The following SLC19A1 variants were observed in gnomAD, a reference collection of about 807,000 sequenced individuals.
The protein encoded by SLC19A1 is reduced folate transporter.
SLC19A1 carries 37 observed loss-of-function variants against 35.3 expected under a neutral mutation model. The ratio of observed to expected loss-of-function variants is 1.05; its 90% CI spans 0.81 to 1.38. The LOEUF is 1.38. Ranked by LOEUF, SLC19A1 falls within the 40% of genes most tolerant of loss-of-function variation. SLC19A1 has a pLI of 0.00. For missense variants in SLC19A1, 831 were observed against 826.9 expected, an observed-to-expected ratio of 1.00 and a Z score of -0.06; for synonymous variants, 460 against 398.5, an observed-to-expected ratio of 1.15 and a Z score of -1.84.
rs758162731 is a variant in SLC19A1 at position 45,537,843 on chromosome 21, C to A, written c.117G>T (p.Ala39=). Residue 39 remains alanine, a synonymous_variant, in exon 2 of 6, where the codon GCG becomes GCT. Transcript: ENST00000311124. ...TGAAGCTCTCCCCTGGCCGTATCTG[C>A]GCCATGAAGCCGTAGAAGCAAAGGT... ...VCYLCFYGFM[A]QIRPGESFIT... is the part of the protein sequence containing the mutation. 1 of 1,607,752 alleles carries A rather than the reference C, an allele frequency of 6.2e-7. No homozygotes were observed. Among genetic ancestry groups the A allele is most frequent in the Non-Finnish European group, 8.5e-7 (1 of 1,178,440 alleles).
At chr21:45,550,657 C>T (rs936090246) in intron 1 of SLC19A1, among the ~76,000 whole-genome samples, 5 of 152,236 alleles carry the variant, frequency 3.3e-5, no homozygotes, top group African/African-American at 9.6e-5. Flanking sequence ...CCCCGGGCTT[C>T]CGTGGTTTTG....
chr21:45,525,411 CG>C (rs1260699097), intron 5 of SLC19A1, among the ~76,000 whole-genome samples: 5 of 152,230 alleles, frequency 3.3e-5, no homozygotes, highest in African/African-American at 1.2e-4. Context: ...GGAGGGCACC[CG>C]CAGAGGCCTG....
intron 1 of SLC19A1, among the ~76,000 whole-genome samples, chr21:45,561,329 T>C (rs372367404): frequency 6.6e-5 from 10 of 152,354 alleles, no homozygotes; most frequent in African/African-American, 2.4e-4. Flanking sequence ...TTGTAATAAA[T>C]GAACCTCTTT....
chr21:45,503,415 GTTGT>G (rs1315093274), intron 3 of SLC19A1, among the ~76,000 whole-genome samples: 1 of 151,976 alleles, frequency 6.6e-6, no homozygotes, highest in Non-Finnish European at 1.5e-5. Context: ...TTTTGATGGG[GTTGT>G]TTGTGGCACA....
upstream of SLC19A1, among the ~76,000 whole-genome samples, chr21:45,546,666 C>A (rs773708394): frequency 6.6e-6 from 1 of 152,208 alleles, no homozygotes; most frequent in East Asian, 1.9e-4. Context: ...TGTCATCTAA[C>A]GAAAGAGTGT....
At chr21:45,516,316 C>A (rs2037938311) in intron 5 of SLC19A1, among the ~76,000 whole-genome samples, 176 bp from the exon 6 acceptor site, 2 of 152,068 alleles carry the variant, frequency 1.3e-5, no homozygotes, top group Non-Finnish European at 2.9e-5. Context: ...CACCACAGCC[C>A]CCCCGACCTC....
chr21:45,504,916 G>GTCAGGTC (rs1419561395), intron 3 of SLC19A1, among the ~76,000 whole-genome samples: 1 of 105,824 alleles, frequency 9.4e-6, no homozygotes, highest in Non-Finnish European at 1.8e-5. Context: ...CCACACTGTT[G>GTCAGGTC]TCAGGTCTCT....
At chr21:45,505,019 T>A (rs2037106327) in intron 3 of SLC19A1, 1 of 1,355,012 alleles carries the variant, frequency 7.4e-7, no homozygotes, top group Non-Finnish European at 1.0e-6. Flanking sequence ...AGGGGACCGG[T>A]GACTCAGAGG....
At chr21:45,510,361 CA>C, downstream of SLC19A1, 2 of 1,311,174 alleles carry the variant, frequency 1.5e-6, no homozygotes, top group East Asian at 2.5e-5. Context: ...CTCTGGAGGC[CA>C]CCATGTTACA....
intron 3 of SLC19A1, chr21:45,505,739 C>A: frequency 1.0e-6 from 1 of 997,080 alleles, no homozygotes; most frequent in Non-Finnish European, 1.5e-6. Flanking sequence ...CAAAGCCCTG[C>A]GGCCCCTGCC....
At chr21:45,509,141 A>G (rs966060921), downstream of SLC19A1, among the ~76,000 whole-genome samples, 1 of 152,044 alleles carries the variant, frequency 6.6e-6, no homozygotes, top group African/African-American at 2.4e-5. Context: ...GTGGGGCCTG[A>G]GCAGAGGTGA....
At chr21:45,529,416 C>G (rs535296124) in intron 4 of SLC19A1, among the ~76,000 whole-genome samples, 11 of 152,280 alleles carry the variant, frequency 7.2e-5, no homozygotes, top group South Asian at 4.1e-4. Context: ...GGAGGCCACC[C>G]TGGAGGGGAA....
At chr21:45,510,938 A>C (rs1369150630), downstream of SLC19A1, among the ~76,000 whole-genome samples, 12 of 42,030 alleles carry the variant, frequency 2.9e-4, no homozygotes, top group Middle Eastern at 0.015. Context: ...CCCCCAAAAA[A>C]ACACACACCC....
intron 1 of SLC19A1, among the ~76,000 whole-genome samples, chr21:45,562,698 T>G (rs1421054910): frequency 6.6e-6 from 1 of 152,132 alleles, no homozygotes; most frequent in Non-Finnish European, 1.5e-5. Context: ...AAGATGGCCA[T>G]AAACCACAGG....
At chr21:45,531,298 AG>A in intron 3 of SLC19A1, 90 bp downstream of exon 3, 2 of 1,149,850 alleles carry the variant, frequency 1.7e-6, no homozygotes, top group African/African-American at 7.6e-5. Flanking sequence ...GGGGCGGGAG[AG>A]GGAGCCTCCG....
At chr21:45,503,889 G>A (rs751638387) in intron 3 of SLC19A1, 77 of 935,944 alleles carry the variant, frequency 8.2e-5, no homozygotes, top group African/African-American at 4.7e-4. Flanking sequence ...TTAAATACGC[G>A]ATCTCTACCG....
At chr21:45,546,334 TCA>T (rs2078415496), upstream of SLC19A1, among the ~76,000 whole-genome samples, 2 of 152,342 alleles carry the variant, frequency 1.3e-5, no homozygotes, top group East Asian at 3.9e-4. Flanking sequence ...CGCAGGTCCC[TCA>T]CAGCCTGTCA....
At chr21:45,505,555 G>A in intron 3 of SLC19A1, 1 of 702,210 alleles carries the variant, frequency 1.4e-6, no homozygotes, top group Non-Finnish European at 2.5e-6. Flanking sequence ...CCAAGATGCG[G>A]TTTCCAGGGT....
intron 5 of SLC19A1, among the ~76,000 whole-genome samples, chr21:45,525,218 G>A (rs768345006): frequency 9.9e-5 from 15 of 152,204 alleles, no homozygotes; most frequent in Admixed American, 6.5e-4. Flanking sequence ...ACCCGCCAAG[G>A]GCATCTGTCT....
Sources: gnomAD v4.1 joint callset for allele counts (sites outside exome capture counted in the v4.1 genomes callset) on GRCh38, gnomAD v4.1.1 for gene constraint, MANE v1.5 for transcripts, NCBI Gene and HGNC (gene_info 2026-07-23, HGNC 2026-07-21) for gene names.